Variants in CCDC171 observed in about 807,000 individuals in gnomAD.
CCDC171 encodes the protein coiled-coil domain containing 171.
Under a neutral mutation model 168.2 loss-of-function variants are expected in CCDC171, and 177 were observed. The observed-to-expected ratio is 1.05, with a 90% CI of 0.93 to 1.19. The LOEUF (loss-of-function observed/expected upper bound fraction) is 1.19, where lower values mean the gene tolerates loss of function less well. CCDC171 is among the 50% of genes most tolerant of loss of function. The pLI is 0.00. For synonymous variants in CCDC171, 687 were observed against 540.8 expected, an observed-to-expected ratio of 1.27 and a Z score of -3.75; for missense variants, 1,991 against 1,539.0, an observed-to-expected ratio of 1.29 and a Z score of -4.91.
chr9:15,578,475 G>GC (rs1488606723), intron 3 of CCDC171, among the ~76,000 whole-genome samples: 2 of 149,474 alleles, frequency 1.3e-5, no homozygotes, highest in East Asian at 3.9e-4. Flanking sequence ...TGCCCATGTG[G>GC]CCCGGGCTGG....
chr9:15,997,449 G>A (rs1453383766), intron 3 of CCDC171, among the ~76,000 whole-genome samples: 2 of 152,142 alleles, frequency 1.3e-5, no homozygotes, highest in East Asian at 1.9e-4. Context: ...TAAGTTTTTT[G>A]TTGAAGGGAG....
At chr9:15,928,278 C>T (rs1826108371) in intron 25 of CCDC171, among the ~76,000 whole-genome samples, 1 of 151,596 alleles carries the variant, frequency 6.6e-6, no homozygotes, top group Non-Finnish European at 1.5e-5. Context: ...TTCACTTGGG[C>T]TGTGGTGAGG....
chr9:15,639,103 T>C (rs1054365764), intron 7 of CCDC171, among the ~76,000 whole-genome samples: 4 of 152,206 alleles, frequency 2.6e-5, no homozygotes, highest in African/African-American at 9.6e-5. Context: ...AAATGCGTAC[T>C]ATCTTCAACT....
Position 15,745,985 on chromosome 9 carries a change from A to G in CCDC171, c.2671+354A>G, listed in dbSNP as rs1171558041. Among the ~76,000 whole-genome samples the G allele has an allele frequency of 2.0e-5, 3 of 152,080 alleles. No individual in the cohort carries two copies. In the East Asian group the frequency reaches 5.8e-4, roughly 29 times the overall value. ...TTCTACTTCTGGCTGTAAATTTCATAAGCTTGAGTAATATGAGAGCCAGTA... is the reference window on the plus strand; with the variant it reads ...TTCTACTTCTGGCTGTAAATTTCATGAGCTTGAGTAATATGAGAGCCAGTA... On this transcript the variant is annotated intron_variant, in intron 18 of 25. Coordinates refer to ENST00000380701, the MANE Select transcript of CCDC171 (RefSeq NM_173550.4).
chr9:15,645,335 A>G (rs1363685624), intron 7 of CCDC171, among the ~76,000 whole-genome samples: 1 of 119,278 alleles, frequency 8.4e-6, no homozygotes, highest in Non-Finnish European at 2.0e-5. Context: ...GAGCTCTTCT[A>G]CCTCTCCAAA....
chr9:15,726,596 A>G (rs1371462996), intron 14 of CCDC171, among the ~76,000 whole-genome samples: 1 of 152,174 alleles, frequency 6.6e-6, no homozygotes, highest in African/African-American at 2.4e-5. Flanking sequence ...TTGTAACTAC[A>G]TTTTCAAATT....
intron 21 of CCDC171, among the ~76,000 whole-genome samples, chr9:15,832,196 C>A (rs962242474): frequency 6.6e-6 from 1 of 152,172 alleles, no homozygotes; most frequent in East Asian, 1.9e-4. Context: ...CCAAATAAAT[C>A]TACAGTGGAC....
intron 11 of CCDC171, among the ~76,000 whole-genome samples, chr9:15,720,752 C>T (rs907928925): frequency 2.0e-5 from 3 of 151,942 alleles, no homozygotes; most frequent in Admixed American, 6.6e-5. Context: ...AGGTTTGTTC[C>T]GTGTGTATGC....
At chr9:15,658,309 A>G (rs568519907) in intron 8 of CCDC171, among the ~76,000 whole-genome samples, 1 of 152,338 alleles carries the variant, frequency 6.6e-6, no homozygotes. Flanking sequence ...TGGGACAGAC[A>G]GATATGAAAT....
the CCDC171 span, among the ~76,000 whole-genome samples, chr9:16,088,266 A>G: frequency 3.9e-5 from 6 of 152,360 alleles, no homozygotes; most frequent in Admixed American, 3.3e-4. Context: ...AGCCAATATC[A>G]TACTGAATGG....
the CCDC171 span, among the ~76,000 whole-genome samples, chr9:16,103,311 G>C: frequency 6.6e-6 from 1 of 152,156 alleles, no homozygotes; most frequent in African/African-American, 2.4e-5. Context: ...GATGGGCCTG[G>C]GAGCAGGGAG....
At chr9:16,062,484 A>G (rs549366223), downstream of CCDC171, among the ~76,000 whole-genome samples, 1 of 152,312 alleles carries the variant, frequency 6.6e-6, no homozygotes, top group African/African-American at 2.4e-5. Context: ...AATAATCTGT[A>G]TACCAAAACC....
At chr9:15,761,111 C>G (rs1564361029) in intron 18 of CCDC171, among the ~76,000 whole-genome samples, 1 of 152,202 alleles carries the variant, frequency 6.6e-6, no homozygotes, top group Non-Finnish European at 1.5e-5. Context: ...TGAACAAACA[C>G]AGGAGTAGAT....
intron 24 of CCDC171, 185 bp downstream of exon 24, chr9:15,874,848 T>A: frequency 4.0e-6 from 2 of 495,732 alleles, no homozygotes; most frequent in Non-Finnish European, 6.3e-6. Flanking sequence ...CTTTAAAGCC[T>A]AGAACTAGCC....
At chr9:15,623,761 G>A (rs2044783679) in intron 7 of CCDC171, among the ~76,000 whole-genome samples, 1 of 152,068 alleles carries the variant, frequency 6.6e-6, no homozygotes. Flanking sequence ...AAGTTTTGGT[G>A]TACATAGGTT....
In CCDC171 at chr9:15,776,801, A is replaced by G. The variant is rs114783898; in HGVS notation, c.2672-799A>G. The stretch of plus-strand genomic sequence containing the variant: ...AATTTGCTTTTTGTGCTTATGATGT[A>G]AAGACAAGATTTAAATTAACACCAA... On this transcript the variant is annotated intron_variant, in intron 18 of 25. Coordinates refer to ENST00000380701, the MANE Select transcript of CCDC171 (RefSeq NM_173550.4). 7.6e-3 allele frequency among the ~76,000 whole-genome samples: 1,163 copies of G among 152,330 alleles called. 9 individuals carry two copies. Among genetic ancestry groups the G allele is most frequent in the African/African-American group, 0.027 (1,107 of 41,568 alleles).
At chr9:15,562,690 AC>A (rs1166111288) in intron 1 of CCDC171, among the ~76,000 whole-genome samples, 1 of 152,134 alleles carries the variant, frequency 6.6e-6, no homozygotes, top group Non-Finnish European at 1.5e-5. Flanking sequence ...CTGTTGTGCT[AC>A]CTCTGCATAT....
rs540850200 is a variant in CCDC171, at chr9:15,598,961, A to G, written c.675+4789A>G. On this transcript the variant is annotated intron_variant, in intron 6 of 25. Coordinates refer to ENST00000380701, the MANE Select transcript of CCDC171 (RefSeq NM_173550.4). Reference sequence around the variant, plus strand: ...CTTAAAGTCTGTTTTATCAGAGACTAGGATTGCAACCCCTGCCTTTTTTGT... The same window carrying G: ...CTTAAAGTCTGTTTTATCAGAGACTGGGATTGCAACCCCTGCCTTTTTTGT... Among the ~76,000 whole-genome samples the G allele has an allele frequency of 1.2e-3, 188 of 152,238 alleles. 1 individual carries two copies. Among genetic ancestry groups the G allele is most frequent in the Admixed American group, 5.6e-3 (85 of 15,282 alleles).
At position 15,631,699 on chromosome 9, in the gene CCDC171, C is replaced by T. The variant is rs1294859367; in HGVS notation, c.822+8286C>T. Reference sequence around the variant, plus strand: ...GCCAGCATCATTCTGATACGAAAGCCGGGCAGAGACACAACCAAAAAAGAG... The same window carrying T: ...GCCAGCATCATTCTGATACGAAAGCTGGGCAGAGACACAACCAAAAAAGAG... On this transcript the variant is annotated intron_variant, in intron 7 of 25. Coordinates refer to ENST00000380701, the MANE Select transcript of CCDC171 (RefSeq NM_173550.4). Among the ~76,000 whole-genome samples the T allele has an allele frequency of 7.2e-5, 11 of 152,190 alleles. No homozygotes were observed. The East Asian group carries it at 1.3e-3, about 19-fold the overall frequency.
Sources: allele counts gnomAD v4.1 joint callset (sites outside exome capture counted in the v4.1 genomes callset), GRCh38; gene constraint gnomAD v4.1.1; transcripts MANE v1.5; gene names NCBI Gene and HGNC (gene_info 2026-07-23, HGNC 2026-07-21).